The following ARID1B variants were observed in gnomAD, a reference collection of about 807,000 sequenced individuals.
The protein encoded by ARID1B is AT-rich interaction domain 1B.
ARID1B carries 30 observed loss-of-function variants against 212.3 expected under a neutral mutation model. That is an observed-to-expected ratio of 0.14 (90% CI 0.11 to 0.19). The LOEUF (loss-of-function observed/expected upper bound fraction) is 0.19. Ranked by LOEUF, ARID1B falls within the 10% of genes least tolerant of loss-of-function variation. The probability of loss-of-function intolerance (pLI) is 1.00; values close to 1 mark genes in which losing one functional copy is unlikely to be tolerated. For synonymous variants in ARID1B, 1,402 were observed against 1,301.7 expected (o/e 1.08, Z -1.66); for missense variants, 2,891 against 3,204.0 (o/e 0.90, Z 2.36).
At chr6:156,869,584 A>G (rs1269731213) in intron 2 of ARID1B, among the ~76,000 whole-genome samples, 2 of 152,354 alleles carry the variant, frequency 1.3e-5, no homozygotes, top group South Asian at 2.1e-4. Flanking sequence ...ACTACTTTTT[A>G]TAAGGGCGAG....
rs919520749 is a variant in ARID1B, at chr6:157,208,510, G to A, written c.*619G>A. 1 of 233,098 alleles carries A rather than the reference G, an allele frequency of 4.3e-6. No individual in the cohort carries two copies. The highest frequency in any genetic ancestry group is 5.6e-5 in the Admixed American group (1 of 17,774). The allele number at this position is 233,098 out of a possible 1,614,324, so 14.4% of individuals were successfully genotyped here. On this transcript the variant is annotated 3_prime_UTR_variant, in exon 20 of 20. Coordinates refer to ENST00000636930, the MANE Select transcript of ARID1B (RefSeq NM_001374828.1). ...CCATTAGGCTGGGAGCAAAAACAAT[G>A]TTTTTTAAGATTGAGAATACATACC...
chr6:156,956,833 C>T (rs1388597405), intron 4 of ARID1B, among the ~76,000 whole-genome samples: 1 of 152,118 alleles, frequency 6.6e-6, no homozygotes, highest in African/African-American at 2.4e-5. Flanking sequence ...TTATATACCA[C>T]CTGAAATATG....
At chr6:156,998,017 C>T (rs1349908681) in intron 4 of ARID1B, among the ~76,000 whole-genome samples, 3 of 152,112 alleles carry the variant, frequency 2.0e-5, no homozygotes, top group African/African-American at 4.8e-5. Flanking sequence ...TTCCGTTTAA[C>T]GCTTAAGAGG....
chr6:157,173,984 A>G (rs1791901655), intron 9 of ARID1B, 24 bp from the exon 10 acceptor site: 1 of 1,596,028 alleles, frequency 6.3e-7, no homozygotes, highest in Admixed American at 1.7e-5. Context: ...ATAATCCTAA[A>G]CTCTTTCTCC....
At chr6:157,172,225 C>T (rs1230631241) in intron 9 of ARID1B, among the ~76,000 whole-genome samples, 1 of 152,176 alleles carries the variant, frequency 6.6e-6, no homozygotes, top group Non-Finnish European at 1.5e-5. Context: ...AGAGACAAAA[C>T]TGCGTGGAAG....
intron 15 of ARID1B, chr6:157,195,491 C>T (rs1474649040): frequency 6.6e-6 from 1 of 152,248 alleles, no homozygotes; most frequent in Non-Finnish European, 1.5e-5. Flanking sequence ...GCTACCTGGA[C>T]AATCTCCCTT....
intron 1 of ARID1B, among the ~76,000 whole-genome samples, chr6:156,789,164 T>C (rs1779850378): frequency 6.6e-6 from 1 of 152,226 alleles, no homozygotes. Flanking sequence ...TGCTATTCTA[T>C]GTGGAAGGTC....
Position 157,193,181 on chromosome 6 carries a change from G to C in ARID1B, c.4231+2971G>C, listed in dbSNP as rs548903659. 2.0e-5 allele frequency among the ~76,000 whole-genome samples: 3 copies of C among 152,180 alleles called. No homozygotes were observed. The South Asian group carries it at 6.2e-4, about 32-fold the overall frequency. ...ATTTATATTATTATCTGTACACATA[G>C]CTCTACTTTTTTTAATTGAATAGAT... On this transcript the variant is annotated intron_variant, in intron 15 of 19. Transcript: ENST00000636930.
At chr6:156,919,501 C>T (rs986345666) in intron 3 of ARID1B, among the ~76,000 whole-genome samples, 1 of 151,998 alleles carries the variant, frequency 6.6e-6, no homozygotes, top group Non-Finnish European at 1.5e-5. Context: ...GAAGAGTAGC[C>T]AGGAAGCCAG....
chr6:157,058,230 T>A (rs1783091439), intron 4 of ARID1B, among the ~76,000 whole-genome samples: 1 of 152,058 alleles, frequency 6.6e-6, no homozygotes, highest in Admixed American at 6.5e-5. Flanking sequence ...TCTAAATTAT[T>A]ATCAGCAACT....
intron 4 of ARID1B, among the ~76,000 whole-genome samples, chr6:157,075,731 ACACTT>A (rs940367000): frequency 6.6e-6 from 1 of 152,262 alleles, no homozygotes; most frequent in African/African-American, 2.4e-5. Flanking sequence ...GATATGAAGG[ACACTT>A]CACTTCTGTG....
chr6:156,896,348 A>C (rs1242458406), intron 2 of ARID1B, among the ~76,000 whole-genome samples: 2 of 152,140 alleles, frequency 1.3e-5, no homozygotes, highest in East Asian at 3.9e-4. Context: ...AGCCCAAGGC[A>C]GGTGGATCAC....
intron 4 of ARID1B, among the ~76,000 whole-genome samples, chr6:156,988,071 T>C (rs550837678): frequency 6.6e-6 from 1 of 151,064 alleles, no homozygotes; most frequent in Non-Finnish European, 1.5e-5. Context: ...GGCAAAACAC[T>C]CTAAAAAAAT....
At position 157,148,994 on chromosome 6, in the gene ARID1B, T is replaced by C. The variant is rs756317636; in HGVS notation, c.3089+43T>C. The C allele has an allele frequency of 1.9e-6, 3 of 1,565,432 alleles. No individual in the cohort carries two copies. Among genetic ancestry groups the C allele is most frequent in the African/African-American group, 2.7e-5 (2 of 74,280 alleles). On this transcript the variant is annotated intron_variant, in intron 8 of 19. Coordinates refer to ENST00000636930, the MANE Select transcript of ARID1B (RefSeq NM_001374828.1). The surrounding 1 kb of genome is among the most constrained non-coding windows in gnomAD (Gnocchi z 5.6). ...ACGCCCCGGGCAGGTACGCTGTGTG[T>C]CTACCCGTGACCACGTGACTGCGCA... is the stretch of plus-strand genomic sequence containing the variant.
chr6:157,150,770 T>C, intron 8 of ARID1B: 1 of 182,954 alleles, frequency 5.5e-6, no homozygotes, highest in African/African-American at 2.3e-5. Context: ...AGTCTGGGGC[T>C]GGCGGACGCC....
intron 4 of ARID1B, among the ~76,000 whole-genome samples, chr6:157,083,886 C>T (rs945813069): frequency 3.3e-5 from 5 of 152,170 alleles, no homozygotes; most frequent in Non-Finnish European, 5.9e-5. Flanking sequence ...GTAATCCCAG[C>T]ACTTTGGGAG....
intron 3 of ARID1B, chr6:156,902,230 A>G (rs1582910486): frequency 6.6e-6 from 1 of 152,248 alleles, no homozygotes; most frequent in Admixed American, 6.5e-5. Flanking sequence ...CATGAGTGAC[A>G]TGAAAAGAAG....
intron 1 of ARID1B, among the ~76,000 whole-genome samples, chr6:156,807,594 C>T (rs1173795549): frequency 1.3e-5 from 2 of 152,040 alleles, no homozygotes; most frequent in African/African-American, 4.8e-5. Context: ...AGTATATGCT[C>T]TTAAGTTAAA....
intron 1 of ARID1B, among the ~76,000 whole-genome samples, chr6:156,806,727 A>G (rs779597195): frequency 4.6e-5 from 7 of 152,214 alleles, no homozygotes; most frequent in Non-Finnish European, 1.0e-4. Context: ...GGTGTGTTAC[A>G]GTGATTCTTT....
Sources: allele counts gnomAD v4.1 joint callset (sites outside exome capture counted in the v4.1 genomes callset), GRCh38; gene constraint gnomAD v4.1.1; non-coding constraint Gnocchi (gnomAD v3.1); transcripts MANE v1.5; gene names NCBI Gene and HGNC (gene_info 2026-07-23, HGNC 2026-07-21).